The following PCDHA6 variants were observed in gnomAD, a reference collection of about 807,000 sequenced individuals.
PCDHA6 encodes the protein protocadherin alpha 6.
PCDHA6 carries 55 observed loss-of-function variants against 60.3 expected under a neutral mutation model. That is an observed-to-expected ratio of 0.91 (90% CI 0.73 to 1.14). PCDHA6 has a LOEUF of 1.14. PCDHA6 is among the 50% of genes most tolerant of loss of function. The pLI, the probability that PCDHA6 is intolerant of heterozygous loss-of-function variation, is 0.00. For synonymous variants in PCDHA6, 652 were observed against 557.9 expected (o/e 1.17, Z -2.38); for missense variants, 1,327 against 1,256.5 (o/e 1.06, Z -0.85).
At chr5:140,982,207 C>T (rs868956427) in intron 2 of PCDHA6, 8 of 429,564 alleles carry the variant, frequency 1.9e-5, no homozygotes, top group East Asian at 1.5e-4. Flanking sequence ...ATTTAGTGAG[C>T]GCCACATGGC....
intron 3 of PCDHA6, among the ~76,000 whole-genome samples, chr5:141,000,102 C>T (rs537991787): frequency 8.5e-5 from 13 of 152,172 alleles, no homozygotes; most frequent in East Asian, 5.8e-4. Context: ...AGCTCAACTC[C>T]GTCTCTTCCC....
At chr5:140,967,792 A>G (rs371669028) in intron 1 of PCDHA6, 4 of 1,614,212 alleles carry the variant, frequency 2.5e-6, no homozygotes, top group Non-Finnish European at 3.4e-6. Context: ...ACCGGGGTCC[A>G]GTGCCCATGG....
intron 1 of PCDHA6, chr5:140,927,852 A>C: frequency 6.2e-7 from 1 of 1,614,218 alleles, no homozygotes; most frequent in Non-Finnish European, 8.5e-7. Flanking sequence ...TCTTTGGTTT[A>C]GCTAGCACCG....
intron 1 of PCDHA6, chr5:140,882,094 C>A: frequency 2.6e-6 from 3 of 1,172,678 alleles, no homozygotes; most frequent in Non-Finnish European, 3.5e-6. Flanking sequence ...TCACTGAGAA[C>A]GTTTCCGCGA....
At chr5:140,893,818 G>A (rs184696543) in intron 1 of PCDHA6, among the ~76,000 whole-genome samples, 14 of 152,114 alleles carry the variant, frequency 9.2e-5, no homozygotes, top group Admixed American at 3.3e-4. Context: ...GTCTGGTACC[G>A]TAGACTACTC....
At chr5:140,993,151 TC>T (rs2097543126) in intron 3 of PCDHA6, among the ~76,000 whole-genome samples, 1 of 152,246 alleles carries the variant, frequency 6.6e-6, no homozygotes, top group Admixed American at 6.5e-5. Flanking sequence ...ATAAATGGAT[TC>T]TAAATATTTG....
intron 1 of PCDHA6, among the ~76,000 whole-genome samples, chr5:140,838,073 ATATAGTGTGTGTGTGT>A (rs2150282806): frequency 2.4e-4 from 30 of 126,834 alleles, no homozygotes; most frequent in Admixed American, 8.6e-4. Flanking sequence ...AGTTATATAT[ATATAGTGTGTGTGTGT>A]GTGTGTGTGT....
At chr5:140,871,729 G>T in intron 1 of PCDHA6, 2 of 714,516 alleles carry the variant, frequency 2.8e-6, no homozygotes, top group South Asian at 2.4e-5. Context: ...TTAATATTTG[G>T]TTAGCAAATC....
chr5:140,830,134 G>C lies in PCDHA6; in HGVS notation c.2043G>C (p.Arg681=). The change falls in exon 1 of 4, where the codon CGG becomes CGC. Residue 681 remains arginine (R), a synonymous_variant. Transcript: ENST00000529310. ...GCCAGGCTCCAAAGGCGTCATCACG[G>C]GCGTCGGTGGGCGCCGCGGGCCCAG... ...ESGQAPKASS[R]ASVGAAGPEA... The C allele has an allele frequency of 1.2e-6, 2 of 1,613,336 alleles. No homozygotes were observed. The highest frequency in any genetic ancestry group is 1.7e-6 in the Non-Finnish European group (2 of 1,179,870).
At chr5:140,906,993 C>T (rs1361320380) in intron 1 of PCDHA6, among the ~76,000 whole-genome samples, 1 of 152,146 alleles carries the variant, frequency 6.6e-6, no homozygotes, top group African/African-American at 2.4e-5. Flanking sequence ...CAGCATTCCT[C>T]CCTCTGGAAC....
chr5:140,993,528 A>T lies in PCDHA6; in HGVS notation c.2542+10965A>T, dbSNP rs78672098. On this transcript the variant is annotated intron_variant, in intron 3 of 3. Transcript: ENST00000529310. ...CACACACGGGGAGAGAGAGACAGAG[A>T]GAGAGAGAGATAGAGAAGTGAAGTA... Among the ~76,000 whole-genome samples the T allele has an allele frequency of 6.6e-5, 10 of 152,092 alleles. No individual in the cohort carries two copies. In the East Asian group the frequency reaches 1.2e-3, roughly 18 times the overall value.
chr5:140,851,865 A>G, intron 1 of PCDHA6: 3 of 976,808 alleles, frequency 3.1e-6, no homozygotes, highest in Non-Finnish European at 3.7e-6. Context: ...CTCATACATA[A>G]CACAAGGCAG....
intron 1 of PCDHA6, among the ~76,000 whole-genome samples, chr5:140,952,443 C>T (rs1264311770): frequency 6.6e-6 from 1 of 152,128 alleles, no homozygotes; most frequent in East Asian, 1.9e-4. Flanking sequence ...AGGCATAATA[C>T]AGCCAGGCTC....
chr5:140,926,199 G>C (rs541337659), intron 1 of PCDHA6, among the ~76,000 whole-genome samples: 1 of 151,790 alleles, frequency 6.6e-6, no homozygotes, highest in African/African-American at 2.4e-5. Context: ...CACTTCTTTC[G>C]GGGGGCTCCT....
chr5:141,010,374 C>A lies in PCDHA6; in HGVS notation c.*437C>A. 2 of 1,459,768 alleles carry A rather than the reference C, an allele frequency of 1.4e-6. No homozygotes were observed. Among genetic ancestry groups the A allele is most frequent in the South Asian group, 1.4e-5 (1 of 73,044 alleles). 90.4% of individuals were successfully genotyped at this position (1,459,768 alleles called of 1,614,324 possible). On this transcript the variant is annotated 3_prime_UTR_variant, in exon 4 of 4. Coordinates refer to ENST00000529310, the MANE Select transcript of PCDHA6 (RefSeq NM_018909.4). ...TGTGGCTACCGCGGGTATGCGAGTG[C>A]CAGATATTGGCTGAGACGAGCCAGC...
At chr5:140,884,186 G>T in intron 1 of PCDHA6, 1 of 1,613,444 alleles carries the variant, frequency 6.2e-7, no homozygotes, top group East Asian at 2.2e-5. Context: ...TCTGGACGAG[G>T]TGGACGCGCC....
Position 140,997,281 on chromosome 5 carries a change from T to C in PCDHA6, c.2543-12346T>C, listed in dbSNP as rs143161972. Reference sequence around the variant, plus strand: ...CTCTTCCAAATATTTCTTGCATCACTTAACAATGGGGATACACTGAGAAAT... The same window carrying C: ...CTCTTCCAAATATTTCTTGCATCACCTAACAATGGGGATACACTGAGAAAT... On this transcript the variant is annotated intron_variant, in intron 3 of 3. Transcript: ENST00000529310. 1.4e-3 allele frequency among the ~76,000 whole-genome samples: 209 copies of C among 152,340 alleles called. 2 individuals carry two copies. Among genetic ancestry groups the C allele is most frequent in the African/African-American group, 4.7e-3 (195 of 41,574 alleles).
chr5:140,966,929 G>A (rs944732818), intron 1 of PCDHA6: 2 of 1,603,460 alleles, frequency 1.2e-6, no homozygotes, highest in African/African-American at 1.3e-5. Flanking sequence ...GCAGGCACCC[G>A]GCGCGCTCGT....
At chr5:140,957,641 T>G (rs1554223056) in intron 1 of PCDHA6, among the ~76,000 whole-genome samples, 1 of 152,110 alleles carries the variant, frequency 6.6e-6, no homozygotes, top group African/African-American at 2.4e-5. Flanking sequence ...AGAAATGCAC[T>G]TAAATATTCA....
Sources: allele counts gnomAD v4.1 joint callset (sites outside exome capture counted in the v4.1 genomes callset), GRCh38; gene constraint gnomAD v4.1.1; transcripts MANE v1.5; gene names NCBI Gene and HGNC (gene_info 2026-07-23, HGNC 2026-07-21).